Variants in NHS observed in about 807,000 individuals in gnomAD.
NHS encodes the protein NHS actin remodeling regulator, also known as actin remodeling regulator NHS.
Under a neutral mutation model 72.5 loss-of-function variants are expected in NHS, and 5 were observed. The ratio of observed to expected loss-of-function variants is 0.07; its 90% CI spans 0.04 to 0.14. The LOEUF is 0.14. Ranked by LOEUF, NHS falls within the 10% of genes least tolerant of loss-of-function variation. NHS has a pLI of 1.00. For missense variants in NHS, 1,072 were observed against 1,355.7 expected (o/e 0.79, Z 3.29); for synonymous variants, 464 against 547.7 (o/e 0.85, Z 2.13).
intron 1 of NHS, among the ~76,000 whole-genome samples, chrX:17,498,981 A>G (rs2065025727): frequency 8.9e-6 from 1 of 111,781 alleles, no homozygotes; most frequent in African/African-American, 3.3e-5. Flanking sequence ...GAATTTAACA[A>G]CCTTAAACAT....
intron 1 of NHS, among the ~76,000 whole-genome samples, chrX:17,580,953 G>T (rs1442693010): frequency 8.9e-6 from 1 of 112,227 alleles, no homozygotes; most frequent in Non-Finnish European, 1.9e-5. Context: ...GGCGGGGAGG[G>T]CAGTGAGGAA....
chrX:17,592,990 C>CA (rs2065609634), intron 1 of NHS, among the ~76,000 whole-genome samples: 1 of 111,031 alleles, frequency 9.0e-6, no homozygotes, highest in Admixed American at 9.6e-5. Context: ...AACATTTTTC[C>CA]AAAAAAAATT....
chrX:17,605,160 T>G (rs1337480357), intron 1 of NHS, among the ~76,000 whole-genome samples: 1 of 112,367 alleles, frequency 8.9e-6, no homozygotes, highest in Admixed American at 9.4e-5. Context: ...AGTACTTTGT[T>G]ATTAATGCCA....
intron 1 of NHS, among the ~76,000 whole-genome samples, chrX:17,485,763 C>T (rs781292018): frequency 3.6e-5 from 4 of 111,376 alleles, no homozygotes; most frequent in African/African-American, 6.5e-5. Context: ...ACTGCCTTTC[C>T]GATCGTAGGT....
chrX:17,632,593 T>TA (rs1346629094), intron 1 of NHS, among the ~76,000 whole-genome samples: 2 of 90,550 alleles, frequency 2.2e-5, no homozygotes, highest in African/African-American at 1.4e-4. Flanking sequence ...CATCAGTGAT[T>TA]AAAAAAAACA....
intron 1 of NHS, among the ~76,000 whole-genome samples, chrX:17,547,889 T>C (rs1283033817): frequency 8.9e-6 from 1 of 111,808 alleles, no homozygotes; most frequent in Admixed American, 9.5e-5. Context: ...AGCAGCTGCA[T>C]TGTTGGGTCC....
intron 1 of NHS, chrX:17,586,084 C>T (rs1455801558): frequency 9.0e-6 from 1 of 111,009 alleles, no homozygotes; most frequent in Non-Finnish European, 1.9e-5. Flanking sequence ...GCACCCATCT[C>T]CTTGTCTTGG....
Position 17,726,347 on chromosome X carries a change from C to T in NHS, c.2241C>T (p.Ser747=), listed in dbSNP as rs762439262. ...DFSPERPKAD[S]LGCPSFTSMA... is the part of the protein sequence containing the mutation. The stretch of plus-strand genomic sequence containing the variant: ...GTCCTGAGCGTCCCAAGGCAGACAG[C>T]CTGGGCTGCCCAAGCTTCACAAGCA... Residue 747 remains serine, a synonymous_variant, in exon 7 of 9, where the codon AGC becomes AGT. Transcript: ENST00000676302. The T allele has an allele frequency of 4.6e-5, 56 of 1,210,651 alleles. No homozygotes were observed. In the Middle Eastern group the frequency reaches 9.1e-4, roughly 20 times the overall value.
intron 1 of NHS, among the ~76,000 whole-genome samples, chrX:17,488,956 G>A (rs1355305819): frequency 1.8e-5 from 2 of 110,509 alleles, no homozygotes; most frequent in Admixed American, 9.7e-5. Context: ...CACACCCCTC[G>A]ACAGGCCCTG....
intron 1 of NHS, among the ~76,000 whole-genome samples, chrX:17,508,580 C>T (rs1272189677): frequency 1.8e-5 from 2 of 111,541 alleles, no homozygotes; most frequent in Non-Finnish European, 3.8e-5. Context: ...AAGTGATTCT[C>T]CTGCCTCAGC....
intron 1 of NHS, among the ~76,000 whole-genome samples, chrX:17,477,592 TACTG>T (rs969977919): frequency 8.9e-6 from 1 of 112,274 alleles, no homozygotes; most frequent in African/African-American, 3.2e-5. Flanking sequence ...GTTGGGAACA[TACTG>T]AGGCAGGGCA....
intron 1 of NHS, among the ~76,000 whole-genome samples, chrX:17,648,839 T>C (rs762085329): frequency 8.9e-6 from 1 of 112,339 alleles, no homozygotes; most frequent in Non-Finnish European, 1.9e-5. Flanking sequence ...GTTAGTTGGA[T>C]GGCCTTGGGC....
intron 1 of NHS, among the ~76,000 whole-genome samples, chrX:17,406,256 G>T (rs2064528779): frequency 9.0e-6 from 1 of 111,525 alleles, no homozygotes; most frequent in Non-Finnish European, 1.9e-5. Flanking sequence ...CCACGTGGCT[G>T]CTTTTCCTCT....
chrX:17,590,414 T>C (rs1321348549), intron 1 of NHS, among the ~76,000 whole-genome samples: 1 of 112,134 alleles, frequency 8.9e-6, no homozygotes, highest in Non-Finnish European at 1.9e-5. Context: ...TTAAGCTCCA[T>C]TCATGGTTTT....
intron 1 of NHS, among the ~76,000 whole-genome samples, chrX:17,516,062 T>C (rs891016065): frequency 9.2e-6 from 1 of 108,246 alleles, no homozygotes; most frequent in Non-Finnish European, 1.9e-5. Flanking sequence ...AAAAAAAAGG[T>C]GAACTTAATC....
At chrX:17,597,024 C>A (rs1284175509) in intron 1 of NHS, among the ~76,000 whole-genome samples, 1 of 110,726 alleles carries the variant, frequency 9.0e-6, no homozygotes, top group Non-Finnish European at 1.9e-5. Context: ...GAAATAGAGT[C>A]ATCTGTGTGC....
intron 1 of NHS, among the ~76,000 whole-genome samples, chrX:17,402,900 G>C (rs2064509050): frequency 8.9e-6 from 1 of 112,126 alleles, no homozygotes; most frequent in Non-Finnish European, 1.9e-5. Flanking sequence ...AAAAGAATAA[G>C]AGAGGGAGCT....
chrX:17,632,564 G>A lies in NHS; in HGVS notation c.566-55178G>A, dbSNP rs758368756. ...GAGCACCTATTATGTGCCAGGCACC[G>A]TTCTAGGCACTTGGGCTTCATCAGT... On this transcript the variant is annotated intron_variant, in intron 1 of 8. Transcript: ENST00000676302. Among the ~76,000 whole-genome samples the A allele has an allele frequency of 3.7e-5, 4 of 106,673 alleles. No homozygotes were observed. In the East Asian group the frequency reaches 8.8e-4, roughly 24 times the overall value. The allele number at this position is 106,673 out of a possible 115,157, so 92.6% of individuals were successfully genotyped here.
chrX:17,587,755 T>G (rs1465476467), intron 1 of NHS, among the ~76,000 whole-genome samples: 3 of 111,959 alleles, frequency 2.7e-5, no homozygotes, highest in African/African-American at 9.7e-5. Flanking sequence ...AAATCAAGAA[T>G]TATTTGGTCA....
Sources: allele counts gnomAD v4.1 joint callset (sites outside exome capture counted in the v4.1 genomes callset), GRCh38; gene constraint gnomAD v4.1.1; transcripts MANE v1.5; gene names NCBI Gene and HGNC (gene_info 2026-07-23, HGNC 2026-07-21).